Variants in MALRD1 observed in about 807,000 individuals in gnomAD.
MALRD1 encodes MAM and LDL-receptor class A domain-containing protein 1.
A neutral mutation model predicts 242.1 loss-of-function variants in MALRD1; 247 were observed. The ratio of observed to expected loss-of-function variants is 1.02; its 90% CI spans 0.92 to 1.13. MALRD1 has a LOEUF of 1.13. MALRD1 is among the 50% of genes most tolerant of loss of function. The probability of loss-of-function intolerance (pLI) is 0.00; values close to 1 mark genes in which losing one functional copy is unlikely to be tolerated. For synonymous variants in MALRD1, 995 were observed against 866.6 expected (o/e 1.15, Z -2.60); for missense variants, 2,989 against 2,533.1 (o/e 1.18, Z -3.86).
intron 36 of MALRD1, chr10:19,633,796 A>G (rs1280568772): frequency 6.6e-6 from 1 of 151,692 alleles, no homozygotes; most frequent in African/African-American, 2.4e-5. Context: ...CACATTCAGG[A>G]TAGTATGATT....
intron 28 of MALRD1, among the ~76,000 whole-genome samples, chr10:19,417,884 G>A (rs947169283): frequency 1.3e-5 from 2 of 152,100 alleles, no homozygotes; most frequent in Non-Finnish European, 2.9e-5. Context: ...GTATGGTATA[G>A]TGAAACCATC....
intron 38 of MALRD1, among the ~76,000 whole-genome samples, chr10:19,713,610 A>G (rs566499539): frequency 7.2e-5 from 11 of 152,378 alleles, no homozygotes; most frequent in Non-Finnish European, 1.3e-4. Context: ...GCAATCACAA[A>G]GACAGCAGTA....
At position 19,271,837 on chromosome 10, in the gene MALRD1, G is replaced by A. The variant is rs1358782718; in HGVS notation, c.3080-8210G>A. ...TAGAAACTGTGAGAGGATATTTGGTGTACTTGCAAATGAAAAAAATCATAA... is the reference window on the plus strand; with the variant it reads ...TAGAAACTGTGAGAGGATATTTGGTATACTTGCAAATGAAAAAAATCATAA... On this transcript the variant is annotated intron_variant, in intron 19 of 39. Coordinates refer to ENST00000454679, the MANE Select transcript of MALRD1 (RefSeq NM_001142308.3). Among the ~76,000 whole-genome samples the A allele has an allele frequency of 4.6e-5, 7 of 152,204 alleles. No homozygotes were observed. The East Asian group carries it at 1.2e-3, about 25-fold the overall frequency.
At position 19,270,807 on chromosome 10, in the gene MALRD1, AACACACACACACAC is replaced by A. The variant is rs71387059; in HGVS notation, c.3080-9217_3080-9204del. 6.0e-4 allele frequency among the ~76,000 whole-genome samples: 87 copies of A among 145,140 alleles called. 1 individual carries two copies. The highest frequency in any genetic ancestry group is 2.1e-3 in the African/African-American group (81 of 39,070). On this transcript the variant is annotated intron_variant, in intron 19 of 39. Coordinates refer to ENST00000454679, the MANE Select transcript of MALRD1 (RefSeq NM_001142308.3). ...AGGGTTAAGATGGCATTCAAAGGATAACACACACACACACACACACACACACACACACACACGCA... is the reference window on the plus strand; with the variant it reads ...AGGGTTAAGATGGCATTCAAAGGATAACACACACACACACACACACACGCA...
intron 29 of MALRD1, among the ~76,000 whole-genome samples, chr10:19,462,687 A>G (rs1208267484): frequency 6.6e-6 from 1 of 152,258 alleles, no homozygotes; most frequent in Non-Finnish European, 1.5e-5. Flanking sequence ...ACCTCCTACT[A>G]GCAAGTATAG....
chr10:19,419,615 C>T (rs534343654), intron 28 of MALRD1, among the ~76,000 whole-genome samples: 2 of 152,088 alleles, frequency 1.3e-5, no homozygotes, highest in East Asian at 1.9e-4. Context: ...CCACCATGCC[C>T]GGCTGATTTT....
intron 33 of MALRD1, among the ~76,000 whole-genome samples, chr10:19,572,184 T>C (rs1318270527): frequency 1.3e-5 from 2 of 152,206 alleles, no homozygotes; most frequent in Non-Finnish European, 2.9e-5. Context: ...GGCAACATTT[T>C]GTAAATGAGA....
At chr10:19,094,130 C>A (rs1468364654) in intron 4 of MALRD1, among the ~76,000 whole-genome samples, 3 of 110,352 alleles carry the variant, frequency 2.7e-5, no homozygotes, top group Non-Finnish European at 3.8e-5. Context: ...CCAGTTGGAG[C>A]TTCCCGGCTG....
intron 36 of MALRD1, among the ~76,000 whole-genome samples, chr10:19,677,627 C>T (rs184442880): frequency 3.3e-5 from 5 of 152,254 alleles, no homozygotes; most frequent in Admixed American, 3.3e-4. Flanking sequence ...TGTCGGTCCA[C>T]TCTGATGATA....
At chr10:19,051,142 A>G (rs1191605907) in intron 1 of MALRD1, among the ~76,000 whole-genome samples, 2 of 152,236 alleles carry the variant, frequency 1.3e-5, no homozygotes, top group African/African-American at 4.8e-5. Flanking sequence ...ACTTTAAAGC[A>G]TGAATTTCTT....
intron 28 of MALRD1, among the ~76,000 whole-genome samples, chr10:19,425,415 A>G (rs1388404289): frequency 6.6e-6 from 1 of 152,174 alleles, no homozygotes; most frequent in Non-Finnish European, 1.5e-5. Flanking sequence ...TTCTGGTAGA[A>G]GGGTGTAAGT....
chr10:19,067,844 T>G (rs1473547660), intron 2 of MALRD1, among the ~76,000 whole-genome samples: 1 of 152,074 alleles, frequency 6.6e-6, no homozygotes, highest in Non-Finnish European at 1.5e-5. Context: ...TCTGAATAAT[T>G]TTGGTGTTGC....
chr10:19,467,392 C>CAAAAAAAAAAAA (rs71387079), intron 29 of MALRD1, among the ~76,000 whole-genome samples: 1 of 53,766 alleles, frequency 1.9e-5, no homozygotes, highest in African/African-American at 6.6e-5. Flanking sequence ...GACTCCGTCT[C>CAAAAAAAAAAAA]AAAAAAAAAA....
At chr10:19,349,139 T>G (rs866119775) in intron 25 of MALRD1, among the ~76,000 whole-genome samples, 7 of 152,036 alleles carry the variant, frequency 4.6e-5, no homozygotes, top group South Asian at 2.1e-4. Flanking sequence ...TTCTGTATTT[T>G]TAGTAGCGAT....
At chr10:19,620,203 C>T (rs73595867) in intron 36 of MALRD1, among the ~76,000 whole-genome samples, 11,312 of 151,772 alleles carry the variant, frequency 0.075, 1,017 homozygotes, top group African/African-American at 0.21. Context: ...TTATTTTAGG[C>T]TCACAGGTAC....
intron 35 of MALRD1, among the ~76,000 whole-genome samples, chr10:19,610,512 T>C (rs927653693): frequency 1.3e-5 from 2 of 151,990 alleles, no homozygotes; most frequent in African/African-American, 4.8e-5. Context: ...CCTCTGAGAC[T>C]TGGTTTGTTG....
intron 32 of MALRD1, among the ~76,000 whole-genome samples, chr10:19,547,819 T>TATA (rs1491504993): frequency 4.8e-4 from 6 of 12,518 alleles, no homozygotes; most frequent in Non-Finnish European, 6.7e-4. Flanking sequence ...TATATATATA[T>TATA]TTTTTTTTTT....
Position 19,391,340 on chromosome 10 carries a change from G to T in MALRD1, c.4845+1731G>T, listed in dbSNP as rs567384107. ...TGGATTCTATATTCATGAATATTAG[G>T]GCAATCATTTCATCTTGGTGATTAA... On this transcript the variant is annotated intron_variant, in intron 28 of 39. Coordinates refer to ENST00000454679, the MANE Select transcript of MALRD1 (RefSeq NM_001142308.3). Among the ~76,000 whole-genome samples, 6 of 152,098 alleles carry T rather than the reference G, an allele frequency of 3.9e-5. No homozygotes were observed. The East Asian group carries it at 1.2e-3, about 29-fold the overall frequency.
At chr10:19,463,976 A>C (rs1836086745) in intron 29 of MALRD1, among the ~76,000 whole-genome samples, 2 of 152,188 alleles carry the variant, frequency 1.3e-5, no homozygotes. Context: ...AGTGATGTTG[A>C]ACATTTTTTC....
Sources: gnomAD v4.1 joint callset for allele counts (sites outside exome capture counted in the v4.1 genomes callset) on GRCh38, gnomAD v4.1.1 for gene constraint, MANE v1.5 for transcripts, NCBI Gene and HGNC (gene_info 2026-07-23, HGNC 2026-07-21) for gene names.